Variants in RHOC observed in about 807,000 individuals in gnomAD.
The protein encoded by RHOC is ras homolog family member C, also known as rho-related GTP-binding protein RhoC.
In RHOC, 13 loss-of-function variants were observed where a neutral mutation model predicts 19.5. The ratio of observed to expected loss-of-function variants is 0.67; its 90% confidence interval spans 0.43 to 1.06. The LOEUF (loss-of-function observed/expected upper bound fraction) is 1.06, where lower values mean the gene tolerates loss of function less well. Ranked by LOEUF, RHOC falls within the 50% of genes least tolerant of loss-of-function variation. RHOC has a pLI of 0.00. For missense variants in RHOC, 173 were observed against 256.9 expected, an observed-to-expected ratio of 0.67 and a Z score of 2.23; for synonymous variants, 106 against 97.3, an observed-to-expected ratio of 1.09 and a Z score of -0.52.
intron 1 of RHOC, among the ~76,000 whole-genome samples, chr1:112,706,513 C>CACACACAA (rs1674894288): frequency 4.5e-5 from 4 of 88,166 alleles, no homozygotes; most frequent in Non-Finnish European, 4.8e-5. Flanking sequence ...CACACACACA[C>CACACACAA]ACACACACAC....
chr1:112,705,491 TTTTGTGGACATGAGTCA>T (rs1674807981), intron 1 of RHOC: 2 of 544,054 alleles, frequency 3.7e-6, no homozygotes, highest in Non-Finnish European at 7.0e-6. Context: ...AAACTGTTGG[TTTTGTGGACATGAGTCA>T]GAGAATTTAC....
At chr1:112,702,269 A>C (rs548168939) in intron 5 of RHOC, among the ~76,000 whole-genome samples, 1 of 152,270 alleles carries the variant, frequency 6.6e-6, no homozygotes, top group South Asian at 2.1e-4. Context: ...TGGGTATCCC[A>C]AGTGAAACAT....
chr1:112,701,842 C>A (rs1034906746), intron 5 of RHOC, 129 bp from the exon 6 acceptor site: 2 of 927,196 alleles, frequency 2.2e-6, no homozygotes, highest in Non-Finnish European at 1.7e-6. Flanking sequence ...GCGCCCAGGC[C>A]CCAGCTACCC....
At chr1:112,701,821 T>A in intron 5 of RHOC, 108 bp from the exon 6 acceptor site, 1 of 1,246,240 alleles carries the variant, frequency 8.0e-7, no homozygotes, top group African/African-American at 1.5e-5. Flanking sequence ...TCTCCAGCCC[T>A]GACCCAGAAA....
upstream of RHOC, chr1:112,707,326 G>A (rs1674933004): frequency 6.6e-6 from 1 of 152,368 alleles, no homozygotes; most frequent in African/African-American, 2.4e-5. Flanking sequence ...GCCACGGGGA[G>A]ATTCCTGGAC....
At chr1:112,703,861 C>T in intron 2 of RHOC, 55 bp from the exon 3 acceptor site, 1 of 1,534,958 alleles carries the variant, frequency 6.5e-7, no homozygotes, top group Admixed American at 2.0e-5. Context: ...TCCAAAAACA[C>T]TTCTCTAGGG....
At chr1:112,704,959 TC>T in intron 2 of RHOC, 140 bp downstream of exon 2, 1 of 566,118 alleles carries the variant, frequency 1.8e-6, no homozygotes, top group Admixed American at 2.3e-5. Context: ...TGCCCACCCC[TC>T]CCTGTGACTC....
At chr1:112,706,465 C>A (rs865861332) in intron 1 of RHOC, among the ~76,000 whole-genome samples, 38 of 4,738 alleles carry the variant, frequency 8.0e-3, no homozygotes, top group African/African-American at 0.027. Flanking sequence ...ACACACACAC[C>A]ACACACACAC....
At position 112,701,564 on chromosome 1, in the gene RHOC, A is replaced by G. The variant is rs1570826949; in HGVS notation, c.558T>C (p.Arg186=). The change falls in exon 6 of 6, where the codon CGT becomes CGC. Residue 186 remains arginine (R), a synonymous_variant. Transcript: ENST00000339083. ...CTCAGAGAATGGGACAGCCCCTCCGACGCTTGTTCTTGCGGACCTGGAGGC... is the reference window on the plus strand; with the variant it reads ...CTCAGAGAATGGGACAGCCCCTCCGGCGCTTGTTCTTGCGGACCTGGAGGC... ...RAGLQVRKNK[R]RRGCPIL 6.2e-7 allele frequency: 1 copy of G among 1,613,918 alleles called. No homozygotes were observed. The highest frequency in any genetic ancestry group is 2.2e-5 in the East Asian group (1 of 44,866).
chr1:112,702,837 T>C (rs972238021), intron 4 of RHOC, 144 bp from the exon 5 acceptor site: 1 of 1,357,368 alleles, frequency 7.4e-7, no homozygotes, highest in South Asian at 1.3e-5. Context: ...AACAGTAGTA[T>C]GCCCTCAGAG....
At position 112,705,099 on chromosome 1, in the gene RHOC, C is replaced by T. The variant is rs964531408; in HGVS notation, c.-8+1G>A. ...CTCCTTCCCTGGGGAGGGGAACTGA[C>T]CTCCAGCCGGCTGAAGTTCCCAGGC... is the stretch of plus-strand genomic sequence containing the variant. On this transcript the variant is annotated splice_donor_variant, in intron 2 of 5. Transcript: ENST00000339083. LOFTEE classifies it low-confidence loss of function (5UTR_SPLICE). The T allele has an allele frequency of 4.3e-6, 3 of 702,382 alleles. No homozygotes were observed. Among genetic ancestry groups the T allele is most frequent in the Admixed American group, 2.0e-5 (1 of 49,990 alleles). The allele number at this position is 702,382 out of a possible 1,614,324, so 43.5% of individuals were successfully genotyped here. A position where few individuals can be genotyped will look rare whatever the true frequency, so the allele number is the denominator to read the frequency against.
Position 112,706,494 on chromosome 1 carries a change from A to ACCCCCACAC in RHOC, c.-77+583_-77+584insGTGTGGGGG, listed in dbSNP as rs1557780825. On this transcript the variant is annotated intron_variant, in intron 1 of 5. Coordinates refer to ENST00000339083, the MANE Select transcript of RHOC (RefSeq NM_175744.5). ...CACACACACACACACACACACACAC[A>ACCCCCACAC]CACACACACACACACACACACACAC... Among the ~76,000 whole-genome samples, 123 of 35,970 alleles carry ACCCCCACAC rather than the reference A, an allele frequency of 3.4e-3. 5 individuals carry two copies. Among genetic ancestry groups the ACCCCCACAC allele is most frequent in the South Asian group, 3.0e-3 (2 of 666 alleles). The allele number at this position is 35,970 out of a possible 152,430, so 23.6% of individuals were successfully genotyped here.
At chr1:112,701,865 T>C in intron 5 of RHOC, 152 bp from the exon 6 acceptor site, 3 of 729,294 alleles carry the variant, frequency 4.1e-6, no homozygotes, top group Non-Finnish European at 6.9e-6. Flanking sequence ...GGCAGCTTCG[T>C]GGCCAGGGAT....
chr1:112,706,464 CCACA>C (rs57078670), intron 1 of RHOC, among the ~76,000 whole-genome samples: 30 of 23,034 alleles, frequency 1.3e-3, no homozygotes, highest in African/African-American at 5.5e-3. Flanking sequence ...CACACACACA[CCACA>C]CACACACACA....
Position 112,701,231 on chromosome 1 carries a change from T to C in RHOC, c.*309A>G. 3 of 666,580 alleles carry C rather than the reference T, an allele frequency of 4.5e-6. No individual in the cohort carries two copies. Among genetic ancestry groups the C allele is most frequent in the Non-Finnish European group, 7.5e-6 (3 of 400,416 alleles). 41.3% of individuals were successfully genotyped at this position (666,580 alleles called of 1,614,324 possible). A position where few individuals can be genotyped will look rare whatever the true frequency, so the allele number is the denominator to read the frequency against. On this transcript the variant is annotated 3_prime_UTR_variant, in exon 6 of 6. Transcript: ENST00000339083. The stretch of plus-strand genomic sequence containing the variant: ...CAGGGGCCTGGGACTCTGGGTCCCC[T>C]ACTGCAGACACTTTCCTGTGAGCCA...
rs528115604 is a variant in RHOC at position 112,704,848 on chromosome 1, A to G, written c.-8+252T>C. On this transcript the variant is annotated intron_variant, in intron 2 of 5. Coordinates refer to ENST00000339083, the MANE Select transcript of RHOC (RefSeq NM_175744.5). ...ATGACCACACTGTAGGGAGCCACAC[A>G]TCTACCACAGCACAGTGACTGAGAA... The G allele has an allele frequency of 3.1e-5, 17 of 548,394 alleles. No individual in the cohort carries two copies. The South Asian group carries it at 3.1e-4, about 10-fold the overall frequency. 34.0% of individuals were successfully genotyped at this position (548,394 alleles called of 1,614,324 possible).
chr1:112,706,652 C>T (rs914276572), intron 1 of RHOC: 1 of 152,200 alleles, frequency 6.6e-6, no homozygotes, highest in Non-Finnish European at 1.5e-5. Flanking sequence ...TCACATCCCG[C>T]CCCTATTCCC....
rs1391686545 is a variant in RHOC, at chr1:112,701,345, T to C, written c.*195A>G. ...AGGGGCCCTGAGGAAGGGCAGGGCATAGGCGTGGCTCCCAGAGCGCTGGGA... is the reference window on the plus strand; with the variant it reads ...AGGGGCCCTGAGGAAGGGCAGGGCACAGGCGTGGCTCCCAGAGCGCTGGGA... On this transcript the variant is annotated 3_prime_UTR_variant, in exon 6 of 6. Coordinates refer to ENST00000339083, the MANE Select transcript of RHOC (RefSeq NM_175744.5). 4 of 1,476,542 alleles carry C rather than the reference T, an allele frequency of 2.7e-6. No individual in the cohort carries two copies. The African/African-American group carries it at 5.6e-5, about 21-fold the overall frequency. The allele number at this position is 1,476,542 out of a possible 1,614,324, so 91.5% of individuals were successfully genotyped here. A position where few individuals can be genotyped will look rare whatever the true frequency, so the allele number is the denominator to read the frequency against.
chr1:112,706,182 C>G (rs1213359496), intron 1 of RHOC: 2 of 155,278 alleles, frequency 1.3e-5, no homozygotes, highest in African/African-American at 2.4e-5. Flanking sequence ...CATCAGACCT[C>G]TCTCCAATCG....
Sources: allele counts gnomAD v4.1 joint callset (sites outside exome capture counted in the v4.1 genomes callset), GRCh38; gene constraint gnomAD v4.1.1; transcripts MANE v1.5; gene names NCBI Gene and HGNC (gene_info 2026-07-23, HGNC 2026-07-21).